Variants in PALS2 observed in about 807,000 individuals in gnomAD.
PALS2 encodes the protein protein PALS2.
PALS2 carries 27 observed loss-of-function variants against 61.6 expected under a neutral mutation model. That is an observed-to-expected ratio of 0.44 (90% CI 0.32 to 0.60). PALS2 has a LOEUF of 0.60. Ranked by LOEUF, PALS2 falls within the 20% of genes least tolerant of loss-of-function variation. PALS2 has a pLI of 0.05. For missense variants in PALS2, 554 were observed against 639.4 expected (o/e 0.87, Z 1.44); for synonymous variants, 236 against 218.6 (o/e 1.08, Z -0.70).
Position 24,693,774 on chromosome 7 carries a change from G to A in PALS2, c.*6160G>A, listed in dbSNP as rs954206408. 1 of 152,086 alleles carries A rather than the reference G, an allele frequency of 6.6e-6. No homozygotes were observed. The highest frequency in any genetic ancestry group is 3.2e-3 in the Middle Eastern group (1 of 316). The allele number at this position is 152,086 out of a possible 1,614,324, so 9.4% of individuals were successfully genotyped here. On this transcript the variant is annotated 3_prime_UTR_variant, in exon 12 of 12. Coordinates refer to ENST00000222644, the MANE Select transcript of PALS2 (RefSeq NM_001303037.2). Reference sequence around the variant, plus strand: ...AAGAAGTGATATGTTGGACTCTGTTGTAGAAGAATGAGCACTAGTATTCAG... The same window carrying A: ...AAGAAGTGATATGTTGGACTCTGTTATAGAAGAATGAGCACTAGTATTCAG...
intron 1 of PALS2, among the ~76,000 whole-genome samples, chr7:24,595,484 T>C (rs1286582178): frequency 7.7e-6 from 1 of 130,432 alleles, no homozygotes. Context: ...TATGTAAATA[T>C]ATATTATATA....
chr7:24,588,201 C>A (rs1783147505), intron 1 of PALS2, among the ~76,000 whole-genome samples: 1 of 152,098 alleles, frequency 6.6e-6, no homozygotes, highest in African/African-American at 2.4e-5. Flanking sequence ...AGACATAGGT[C>A]AATTTTTTTT....
intron 1 of PALS2, among the ~76,000 whole-genome samples, chr7:24,581,797 A>C (rs2128039679): frequency 6.6e-6 from 1 of 152,314 alleles, no homozygotes; most frequent in Middle Eastern, 3.4e-3. Flanking sequence ...TATCCAGAAA[A>C]AATTTTGATG....
chr7:24,635,950 G>A (rs1785214299), intron 2 of PALS2, among the ~76,000 whole-genome samples: 1 of 152,088 alleles, frequency 6.6e-6, no homozygotes, highest in Non-Finnish European at 1.5e-5. Context: ...GGTGGCTCAT[G>A]CCTATAATCC....
At chr7:24,609,702 T>C (rs1310155928) in intron 1 of PALS2, among the ~76,000 whole-genome samples, 1 of 151,956 alleles carries the variant, frequency 6.6e-6, no homozygotes, top group Non-Finnish European at 1.5e-5. Context: ...CAGCCTCTAC[T>C]CTCTTTTTTT....
At chr7:24,598,920 T>C (rs773144658) in intron 1 of PALS2, among the ~76,000 whole-genome samples, 2 of 152,220 alleles carry the variant, frequency 1.3e-5, no homozygotes, top group Admixed American at 6.5e-5. Context: ...TGTGCTTATT[T>C]TTAATGCAGT....
intron 1 of PALS2, among the ~76,000 whole-genome samples, chr7:24,579,865 T>C (rs752569372): frequency 1.8e-4 from 27 of 152,188 alleles, no homozygotes; most frequent in Non-Finnish European, 2.9e-4. Context: ...TTGTATAGCA[T>C]ATTAATGGAA....
At position 24,663,592 on chromosome 7, in the gene PALS2, A is replaced by G. The variant is rs774727522; in HGVS notation, c.654A>G (p.Val218=). The change falls in exon 6 of 12, where the codon GTA becomes GTG. Residue 218 remains valine, a splice_region_variant and synonymous_variant. Coordinates refer to ENST00000222644, the MANE Select transcript of PALS2 (RefSeq NM_001303037.2). ...SYRDTITPQQ[V]FVKCHFDYNP... ...TTTAATTGTGCTATGTGTTTTAGGT[A>G]TTTGTGAAGTGTCATTTTGATTATA... 8 of 1,588,478 alleles carry G rather than the reference A, an allele frequency of 5.0e-6. No homozygotes were observed. The highest frequency in any genetic ancestry group is 6.0e-6 in the Non-Finnish European group (7 of 1,161,452).
rs73079942 is a variant in PALS2, at chr7:24,687,133, T to C, written c.1447-305T>C. Among the ~76,000 whole-genome samples the C allele has an allele frequency of 6.6e-6, 1 of 152,200 alleles. No individual in the cohort carries two copies. Among genetic ancestry groups the C allele is most frequent in the Non-Finnish European group, 1.5e-5 (1 of 68,040 alleles). On this transcript the variant is annotated intron_variant, in intron 11 of 11. Coordinates refer to ENST00000222644, the MANE Select transcript of PALS2 (RefSeq NM_001303037.2). The surrounding 1 kb of genome is among the most constrained non-coding windows in gnomAD (Gnocchi z 4.5). ...GGAAACCAGTCACCTGCAGTAATTG[T>C]TTTGTTACTGTAGATTCATTCCAAG...
At chr7:24,633,703 C>T (rs1040604341) in intron 2 of PALS2, among the ~76,000 whole-genome samples, 3 of 151,990 alleles carry the variant, frequency 2.0e-5, no homozygotes, top group Admixed American at 6.5e-5. Context: ...AATATTGCTG[C>T]CATAAACATT....
intron 1 of PALS2, among the ~76,000 whole-genome samples, chr7:24,609,494 A>G (rs548082512): frequency 1.3e-5 from 2 of 152,280 alleles, no homozygotes; most frequent in East Asian, 3.9e-4. Context: ...TTACTGGGAA[A>G]TGTATTAAGG....
Position 24,687,112 on chromosome 7 carries a change from A to G in PALS2, c.1447-326A>G, listed in dbSNP as rs945491131. 9.9e-5 allele frequency among the ~76,000 whole-genome samples: 15 copies of G among 152,206 alleles called. No homozygotes were observed. The highest frequency in any genetic ancestry group is 3.6e-4 in the African/African-American group (15 of 41,452). On this transcript the variant is annotated intron_variant, in intron 11 of 11. Coordinates refer to ENST00000222644, the MANE Select transcript of PALS2 (RefSeq NM_001303037.2). The surrounding 1 kb of genome is among the most constrained non-coding windows in gnomAD (Gnocchi z 4.5). ...AAAGGATGATATAGTGGAGCTGGAA[A>G]CCAGTCACCTGCAGTAATTGTTTTG...
intron 1 of PALS2, among the ~76,000 whole-genome samples, chr7:24,598,678 T>C (rs1783608990): frequency 6.6e-6 from 1 of 152,224 alleles, no homozygotes; most frequent in Non-Finnish European, 1.5e-5. Flanking sequence ...GAAACTGTGC[T>C]AAATAAATAA....
At chr7:24,661,797 T>C (rs1164908208) in intron 5 of PALS2, among the ~76,000 whole-genome samples, 4 of 152,198 alleles carry the variant, frequency 2.6e-5, no homozygotes, top group African/African-American at 9.6e-5. Context: ...TTATTATAAA[T>C]TAAAAGTCTG....
At position 24,577,570 on chromosome 7, in the gene PALS2, C is replaced by G. The variant is rs1051596811; in HGVS notation, c.-3+3977C>G. Among the ~76,000 whole-genome samples the G allele has an allele frequency of 4.6e-5, 7 of 152,140 alleles. 1 individual carries two copies. The highest frequency in any genetic ancestry group is 2.6e-4 in the Admixed American group (4 of 15,276). ...CTTAAATCTATCATTTCTTTACCCT[C>G]TTCCTCCACTTTTTGCTATATTTCA... On this transcript the variant is annotated intron_variant, in intron 1 of 11. Transcript: ENST00000222644.
rs1449020267 is a variant in PALS2, at chr7:24,687,722, CAG to C, written c.*109_*110del. 7 of 1,161,262 alleles carry C rather than the reference CAG, an allele frequency of 6.0e-6. No homozygotes were observed. The African/African-American group carries it at 9.5e-5, about 16-fold the overall frequency. 71.9% of individuals were successfully genotyped at this position (1,161,262 alleles called of 1,614,324 possible). ...CAGATAGAAGATTATCTGCTAAGTC[CAG>C]GCATTTTTATGGTGTAGATTGAAAT... On this transcript the variant is annotated 3_prime_UTR_variant, in exon 12 of 12. Coordinates refer to ENST00000222644, the MANE Select transcript of PALS2 (RefSeq NM_001303037.2). The surrounding 1 kb of genome is among the most constrained non-coding windows in gnomAD (Gnocchi z 4.5).
At chr7:24,628,939 C>T (rs1426380309) in intron 2 of PALS2, among the ~76,000 whole-genome samples, 2 of 152,126 alleles carry the variant, frequency 1.3e-5, no homozygotes, top group Non-Finnish European at 2.9e-5. Context: ...AATCTCAATG[C>T]TATTCCCATC....
intron 5 of PALS2, among the ~76,000 whole-genome samples, chr7:24,661,525 C>T (rs985582491): frequency 6.6e-6 from 1 of 152,096 alleles, no homozygotes; most frequent in Non-Finnish European, 1.5e-5. Context: ...ATGGTAATCA[C>T]ATTCATGGTT....
At chr7:24,619,803 A>T (rs1389634402) in intron 1 of PALS2, among the ~76,000 whole-genome samples, 1 of 151,486 alleles carries the variant, frequency 6.6e-6, no homozygotes, top group African/African-American at 2.4e-5. Flanking sequence ...TATCTCCTCT[A>T]GTGATTATTG....
Sources: gnomAD v4.1 joint callset for allele counts (sites outside exome capture counted in the v4.1 genomes callset) on GRCh38, gnomAD v4.1.1 for gene constraint, Gnocchi (gnomAD v3.1) non-coding constraint, MANE v1.5 for transcripts, NCBI Gene and HGNC (gene_info 2026-07-23, HGNC 2026-07-21) for gene names.